Variants in PDE1C observed in about 807,000 individuals in gnomAD.
PDE1C encodes the protein dual specificity calcium/calmodulin-dependent 3',5'-cyclic nucleotide phosphodiesterase 1C.
A neutral mutation model predicts 93.1 loss-of-function variants in PDE1C; 62 were observed. The observed-to-expected ratio is 0.67, with a 90% CI of 0.54 to 0.82. The LOEUF (loss-of-function observed/expected upper bound fraction) is 0.82, where lower values mean the gene tolerates loss of function less well. Among genes scored for constraint, PDE1C ranks in the 40% least tolerant of loss-of-function variants. PDE1C has a pLI of 0.00. For synonymous variants in PDE1C, 325 were observed against 310.1 expected, an observed-to-expected ratio of 1.05 and a Z score of -0.50; for missense variants, 742 against 884.6, an observed-to-expected ratio of 0.84 and a Z score of 2.04.
the PDE1C span, among the ~76,000 whole-genome samples, chr7:31,636,547 A>T: frequency 6.6e-6 from 1 of 152,082 alleles, no homozygotes; most frequent in South Asian, 2.1e-4. Context: ...TCTTTTACCA[A>T]GGCTCAACCT....
chr7:31,628,612 C>T, the PDE1C span, among the ~76,000 whole-genome samples: 2 of 152,082 alleles, frequency 1.3e-5, no homozygotes, highest in African/African-American at 4.8e-5. Context: ...CGCCCGCCAC[C>T]ACGCCCCGCT....
chr7:32,145,313 T>C (rs1800774421), intron 3 of PDE1C, among the ~76,000 whole-genome samples: 1 of 152,174 alleles, frequency 6.6e-6, no homozygotes, highest in African/African-American at 2.4e-5. Context: ...CATAGCTACT[T>C]ATTAAATAAA....
At chr7:31,682,139 C>G in the PDE1C span, among the ~76,000 whole-genome samples, 1 of 152,170 alleles carries the variant, frequency 6.6e-6, no homozygotes, top group Admixed American at 6.6e-5. Context: ...GTACCTACCT[C>G]ATAGGATGGT....
chr7:31,737,385 T>G, the PDE1C span, among the ~76,000 whole-genome samples: 2 of 152,310 alleles, frequency 1.3e-5, no homozygotes, highest in Admixed American at 6.5e-5. Flanking sequence ...ATAAAACTGT[T>G]TCTTTTGAAA....
At chr7:31,872,215 C>A (rs1462441340) in intron 6 of PDE1C, among the ~76,000 whole-genome samples, 1 of 151,936 alleles carries the variant, frequency 6.6e-6, no homozygotes, top group Non-Finnish European at 1.5e-5. Context: ...ATACTGGAGG[C>A]TGGGATGTGT....
At chr7:32,335,999 T>A (rs1292333257) in intron 1 of PDE1C, among the ~76,000 whole-genome samples, 1 of 152,152 alleles carries the variant, frequency 6.6e-6, no homozygotes, top group Non-Finnish European at 1.5e-5. Flanking sequence ...CTTAATTACC[T>A]TTTTAAAGAC....
chr7:31,917,958 G>A (rs1439714367), intron 2 of PDE1C, among the ~76,000 whole-genome samples: 1 of 152,082 alleles, frequency 6.6e-6, no homozygotes, highest in East Asian at 1.9e-4. Flanking sequence ...ATAATATTGA[G>A]TGCTACCCAC....
the PDE1C span, among the ~76,000 whole-genome samples, chr7:31,654,709 T>G: frequency 3.3e-5 from 5 of 152,186 alleles, no homozygotes; most frequent in East Asian, 9.7e-4. Context: ...GAATGGGGAA[T>G]AGATGCAGAA....
chr7:32,302,582 C>A (rs1585097498), upstream of PDE1C, among the ~76,000 whole-genome samples: 1 of 152,134 alleles, frequency 6.6e-6, no homozygotes, highest in African/African-American at 2.4e-5. Context: ...AATATCAAGT[C>A]TTTTGATTTG....
At chr7:32,099,704 T>TA (rs1163006487) in intron 3 of PDE1C, among the ~76,000 whole-genome samples, 1 of 152,222 alleles carries the variant, frequency 6.6e-6, no homozygotes, top group African/African-American at 2.4e-5. Context: ...CCATCACTCT[T>TA]ACGTTTCCTA....
chr7:31,769,518 A>T (rs1278821678), intron 17 of PDE1C, among the ~76,000 whole-genome samples: 1 of 152,204 alleles, frequency 6.6e-6, no homozygotes, highest in Non-Finnish European at 1.5e-5. Flanking sequence ...GCTTTCCCAC[A>T]ACTTTCTCCA....
intron 1 of PDE1C, among the ~76,000 whole-genome samples, chr7:32,249,523 G>A (rs1253874656): frequency 6.6e-6 from 1 of 152,128 alleles, no homozygotes; most frequent in Non-Finnish European, 1.5e-5. Context: ...TAAAAAGGCT[G>A]TTCATGCCTG....
intron 2 of PDE1C, among the ~76,000 whole-genome samples, chr7:31,909,022 T>A (rs1234878503): frequency 1.3e-5 from 2 of 152,148 alleles, no homozygotes; most frequent in African/African-American, 4.8e-5. Context: ...CCTAATGGTC[T>A]CCCCTGCAGA....
chr7:31,709,404 C>T, the PDE1C span, among the ~76,000 whole-genome samples: 9 of 152,278 alleles, frequency 5.9e-5, no homozygotes, highest in Middle Eastern at 3.4e-3. Context: ...CAAAGAGCTT[C>T]GTAAGCTAAA....
At chr7:31,998,163 G>A (rs1246841117) in intron 2 of PDE1C, among the ~76,000 whole-genome samples, 1 of 151,956 alleles carries the variant, frequency 6.6e-6, no homozygotes, top group Non-Finnish European at 1.5e-5. Flanking sequence ...GGGACTACAG[G>A]TGCCTGCCAC....
At chr7:31,620,310 G>T in the PDE1C span, among the ~76,000 whole-genome samples, 7 of 151,964 alleles carry the variant, frequency 4.6e-5, no homozygotes, top group Non-Finnish European at 8.8e-5. Context: ...GCCTCCTCAA[G>T]TGGGTCCCTG....
intron 1 of PDE1C, among the ~76,000 whole-genome samples, chr7:32,384,853 G>C (rs564704998): frequency 1.6e-4 from 24 of 152,250 alleles, no homozygotes; most frequent in Admixed American, 1.4e-3. Flanking sequence ...ATGAAAATGG[G>C]ATTCTGCATT....
intron 1 of PDE1C, among the ~76,000 whole-genome samples, chr7:32,360,497 C>T (rs1784116972): frequency 6.6e-6 from 1 of 152,112 alleles, no homozygotes; most frequent in African/African-American, 2.4e-5. Context: ...GGAGAGTGTG[C>T]AGCGCTGCTC....
chr7:32,312,940 A>G (rs1304028560), intron 1 of PDE1C, among the ~76,000 whole-genome samples: 1 of 152,226 alleles, frequency 6.6e-6, no homozygotes, highest in Non-Finnish European at 1.5e-5. Context: ...TGCACAGTAA[A>G]AGAAACTTCT....
Sources: allele counts gnomAD v4.1 joint callset (sites outside exome capture counted in the v4.1 genomes callset), GRCh38; gene constraint gnomAD v4.1.1; transcripts MANE v1.5; gene names NCBI Gene and HGNC (gene_info 2026-07-23, HGNC 2026-07-21).